DLGAP3: variants seen among roughly 807,000 people sequenced by gnomAD.
DLGAP3 encodes the protein disks large-associated protein 3.
A neutral mutation model predicts 81.2 loss-of-function variants in DLGAP3; 17 were observed. The ratio of observed to expected loss-of-function variants is 0.21; its 90% CI spans 0.14 to 0.31. The LOEUF (loss-of-function observed/expected upper bound fraction) is 0.31. Among genes scored for constraint, DLGAP3 ranks in the 10% least tolerant of loss-of-function variants. The probability of loss-of-function intolerance (pLI) is 1.00; values close to 1 mark genes in which losing one functional copy is unlikely to be tolerated. For missense variants in DLGAP3, 1,124 were observed against 1,388.0 expected (o/e 0.81, Z 3.02); for synonymous variants, 577 against 587.4 (o/e 0.98, Z 0.26).
intron 8 of DLGAP3, among the ~76,000 whole-genome samples, chr1:34,876,633 C>G (rs1445435167): frequency 6.6e-6 from 1 of 152,174 alleles, no homozygotes; most frequent in Non-Finnish European, 1.5e-5. Flanking sequence ...AGCAGACAGG[C>G]CAGGGAGCCT....
At chr1:34,911,637 G>A (rs1419899903) in intron 1 of DLGAP3, among the ~76,000 whole-genome samples, 6 of 152,174 alleles carry the variant, frequency 3.9e-5, no homozygotes, top group Admixed American at 2.6e-4. Context: ...TCTGGGAATG[G>A]AAGAAGTGGC....
chr1:34,866,743 C>T (rs79852002), intron 11 of DLGAP3, among the ~76,000 whole-genome samples: 1,550 of 151,976 alleles, frequency 0.01, 48 homozygotes, highest in Admixed American at 0.06. Context: ...TCTGTCCTTC[C>T]GTAAGGTCTA....
At chr1:34,905,623 C>A (rs1173592892) in intron 2 of DLGAP3, among the ~76,000 whole-genome samples, 189 bp from the exon 3 acceptor site, 1 of 152,020 alleles carries the variant, frequency 6.6e-6, no homozygotes, top group African/African-American at 2.4e-5. Flanking sequence ...CTCAAGGGCA[C>A]AAAATAATCC....
At chr1:34,884,290 C>A (rs1044731414) in intron 8 of DLGAP3, among the ~76,000 whole-genome samples, 1 of 151,990 alleles carries the variant, frequency 6.6e-6, no homozygotes, top group African/African-American at 2.4e-5. Context: ...TTATGGCCAG[C>A]CCCTGGCAAG....
intron 3 of DLGAP3, among the ~76,000 whole-genome samples, chr1:34,901,357 A>G (rs538791751): frequency 6.6e-6 from 1 of 152,312 alleles, no homozygotes; most frequent in East Asian, 1.9e-4. Context: ...GGAAAATGCC[A>G]TGTCATAGAA....
chr1:34,866,033 G>A lies in DLGAP3; in HGVS notation c.*50C>T, dbSNP rs1342594151. 1 of 1,499,710 alleles carries A rather than the reference G, an allele frequency of 6.7e-7. No homozygotes were observed. The highest frequency in any genetic ancestry group is 9.1e-7 in the Non-Finnish European group (1 of 1,103,370). The allele number at this position is 1,499,710 out of a possible 1,614,324, so 92.9% of individuals were successfully genotyped here. ...CAGTGACCTCGACGCTGGGTGTACAGTACGGGTGGAGAACCGCGGGCCCGG... is the reference window on the plus strand; with the variant it reads ...CAGTGACCTCGACGCTGGGTGTACAATACGGGTGGAGAACCGCGGGCCCGG... On this transcript the variant is annotated 3_prime_UTR_variant, in exon 12 of 12. Transcript: ENST00000373347.
intron 8 of DLGAP3, among the ~76,000 whole-genome samples, chr1:34,872,902 T>C (rs144445334): frequency 1.0e-3 from 154 of 152,282 alleles, no homozygotes; most frequent in African/African-American, 3.5e-3. Context: ...ATAATAAATA[T>C]GTATTGTTTT....
chr1:34,867,289 C>T lies in DLGAP3; in HGVS notation c.2578-98G>A, dbSNP rs1569588331. ...CCTATCCACCCTTACTGCCAGGAAG[C>T]TCAGCCTGGGAGAGTGGGTGGGGGC... On this transcript the variant is annotated intron_variant, in intron 10 of 11. Transcript: ENST00000373347. This position sits in a 1 kb window ranked among gnomAD's most constrained non-coding sequence, Gnocchi z 4.3. 6.4e-7 allele frequency: 1 copy of T among 1,554,412 alleles called. No homozygotes were observed. Among genetic ancestry groups the T allele is most frequent in the Non-Finnish European group, 8.8e-7 (1 of 1,130,470 alleles).
chr1:34,888,556 C>T (rs1328327609), intron 5 of DLGAP3, among the ~76,000 whole-genome samples: 4 of 152,176 alleles, frequency 2.6e-5, no homozygotes, highest in South Asian at 4.1e-4. Context: ...GATTTAGATT[C>T]GTTGGTTCCA....
chr1:34,906,016 T>TTTTTTATATATATATATATA (rs60469155), intron 2 of DLGAP3, among the ~76,000 whole-genome samples: 2 of 64,810 alleles, frequency 3.1e-5, no homozygotes, highest in Non-Finnish European at 3.4e-5. Flanking sequence ...GCCTCTAAAT[T>TTTTTTATATATATATATATA]TATATATATA....
chr1:34,872,894 A>G (rs779615520), intron 8 of DLGAP3, among the ~76,000 whole-genome samples: 1 of 152,200 alleles, frequency 6.6e-6, no homozygotes, highest in Admixed American at 6.5e-5. Context: ...GACCCCAGAT[A>G]ATAAATATGT....
At chr1:34,921,783 T>C (rs1241599835) in intron 1 of DLGAP3, among the ~76,000 whole-genome samples, 1 of 152,226 alleles carries the variant, frequency 6.6e-6, no homozygotes, top group African/African-American at 2.4e-5. Flanking sequence ...TGTTAGCATA[T>C]GCCCACATAT....
At chr1:34,927,077 A>G (rs1234369598) in intron 1 of DLGAP3, among the ~76,000 whole-genome samples, 1 of 152,114 alleles carries the variant, frequency 6.6e-6, no homozygotes, top group Non-Finnish European at 1.5e-5. Context: ...CACCAGCAGG[A>G]ATCAAGACAA....
chr1:34,882,235 G>C (rs1022898431), intron 8 of DLGAP3, among the ~76,000 whole-genome samples: 4 of 152,184 alleles, frequency 2.6e-5, no homozygotes, highest in African/African-American at 9.7e-5. Context: ...CCAGCACTTT[G>C]GGAGGCCGAG....
intron 11 of DLGAP3, 21 bp from the exon 12 acceptor site, chr1:34,866,322 C>A: frequency 6.7e-7 from 1 of 1,498,058 alleles, no homozygotes; most frequent in Non-Finnish European, 8.9e-7. Flanking sequence ...GAGGGCGTCG[C>A]TGAGCTGGGG....
intron 8 of DLGAP3, among the ~76,000 whole-genome samples, chr1:34,878,361 A>G (rs897870796): frequency 6.6e-6 from 1 of 152,190 alleles, no homozygotes; most frequent in African/African-American, 2.4e-5. Flanking sequence ...ATAAGGATAT[A>G]GGAAGGTTGA....
At chr1:34,880,020 T>C (rs1639121797) in intron 8 of DLGAP3, among the ~76,000 whole-genome samples, 1 of 152,034 alleles carries the variant, frequency 6.6e-6, no homozygotes, top group South Asian at 2.1e-4. Flanking sequence ...ACGAATAAAA[T>C]GTAAGTTTCA....
chr1:34,912,848 A>AACTGTGCCCATGGATAGGCACAGTT (rs1272811608), intron 1 of DLGAP3, among the ~76,000 whole-genome samples: 2 of 152,158 alleles, frequency 1.3e-5, no homozygotes. Flanking sequence ...CTGATTATTC[A>AACTGTGCCCATGGATAGGCACAGTT]ACTGTGCCCA....
rs1639922610 is a variant in DLGAP3 at position 34,929,410 on chromosome 1, C to G, written c.-135+41G>C. The G allele has an allele frequency of 6.8e-6, 1 of 148,110 alleles. No individual in the cohort carries two copies. The highest frequency in any genetic ancestry group is 1.5e-5 in the Non-Finnish European group (1 of 66,384). 9.2% of individuals were successfully genotyped at this position (148,110 alleles called of 1,614,324 possible). A position where few individuals can be genotyped will look rare whatever the true frequency, so the allele number is the denominator to read the frequency against. On this transcript the variant is annotated intron_variant, in intron 1 of 11. Coordinates refer to ENST00000373347, the MANE Select transcript of DLGAP3 (RefSeq NM_001080418.3). The surrounding 1 kb of genome is among the most constrained non-coding windows in gnomAD (Gnocchi z 6.5). Reference sequence around the variant, plus strand: ...TGCCTGGGGGGCGCTGCAGAGGGAGCCGCGAGCGCGGCCCCGTCCCCACTC... The same window carrying G: ...TGCCTGGGGGGCGCTGCAGAGGGAGGCGCGAGCGCGGCCCCGTCCCCACTC...
Sources: gnomAD v4.1 joint callset for allele counts (sites outside exome capture counted in the v4.1 genomes callset) on GRCh38, gnomAD v4.1.1 for gene constraint, Gnocchi (gnomAD v3.1) non-coding constraint, MANE v1.5 for transcripts, NCBI Gene and HGNC (gene_info 2026-07-23, HGNC 2026-07-21) for gene names.